CSMD1: variants seen among roughly 807,000 people sequenced by gnomAD.
The protein encoded by CSMD1 is CUB and sushi domain-containing protein 1.
A neutral mutation model predicts 417.5 loss-of-function variants in CSMD1; 213 were observed. That is an observed-to-expected ratio of 0.51 (90% confidence interval 0.46 to 0.57). CSMD1 has a LOEUF of 0.57. Among genes scored for constraint, CSMD1 ranks in the 20% least tolerant of loss-of-function variants. The pLI is 0.00. For missense variants in CSMD1, 6,923 were observed against 4,529.7 expected, an observed-to-expected ratio of 1.53 and a Z score of -15.17; for synonymous variants, 2,862 against 1,736.8, an observed-to-expected ratio of 1.65 and a Z score of -16.11.
At chr8:3,941,185 T>C (rs897126058) in intron 5 of CSMD1, among the ~76,000 whole-genome samples, 1 of 152,114 alleles carries the variant, frequency 6.6e-6, no homozygotes, top group Non-Finnish European at 1.5e-5. Flanking sequence ...GAATATTCAG[T>C]AAAATTTAAA....
intron 2 of CSMD1, among the ~76,000 whole-genome samples, chr8:4,510,417 A>AAAAAAAAAG (rs1802757327): frequency 2.7e-5 from 3 of 110,088 alleles, no homozygotes; most frequent in African/African-American, 9.7e-5. Flanking sequence ...AAAAAAAAAA[A>AAAAAAAAAG]AAAAAGCAAA....
chr8:3,809,844 C>G (rs1041613670), intron 5 of CSMD1, among the ~76,000 whole-genome samples: 1 of 152,138 alleles, frequency 6.6e-6, no homozygotes, highest in Non-Finnish European at 1.5e-5. Context: ...ATGCAGACCT[C>G]TAGAAAAACT....
At chr8:4,135,630 A>C (rs1345646429) in intron 3 of CSMD1, among the ~76,000 whole-genome samples, 1 of 152,158 alleles carries the variant, frequency 6.6e-6, no homozygotes, top group African/African-American at 2.4e-5. Context: ...TAATAGTTCA[A>C]AGATGTTTGG....
At chr8:4,074,649 C>T (rs1463583377) in intron 3 of CSMD1, among the ~76,000 whole-genome samples, 1 of 151,990 alleles carries the variant, frequency 6.6e-6, no homozygotes, top group African/African-American at 2.4e-5. Flanking sequence ...TGTGAAATAT[C>T]CATCCTTTTA....
intron 2 of CSMD1, among the ~76,000 whole-genome samples, chr8:4,450,522 C>G (rs1799078306): frequency 6.6e-6 from 1 of 152,032 alleles, no homozygotes; most frequent in Non-Finnish European, 1.5e-5. Context: ...GTAGTGCCAG[C>G]TACTTGGGAG....
intron 49 of CSMD1, among the ~76,000 whole-genome samples, chr8:3,084,374 T>G (rs1018970056): frequency 6.6e-6 from 1 of 151,380 alleles, no homozygotes; most frequent in Non-Finnish European, 1.5e-5. Flanking sequence ...ATACAAAAAA[T>G]TAGCCGGCTA....
intron 1 of CSMD1, among the ~76,000 whole-genome samples, chr8:4,678,107 G>A (rs1245991390): frequency 6.6e-6 from 1 of 152,002 alleles, no homozygotes; most frequent in African/African-American, 2.4e-5. Context: ...GCTGGAAGGA[G>A]CAAAACAGTC....
At chr8:3,011,948 G>A (rs1473926084) in intron 52 of CSMD1, among the ~76,000 whole-genome samples, 1 of 152,198 alleles carries the variant, frequency 6.6e-6, no homozygotes, top group African/African-American at 2.4e-5. Context: ...ATTAGCAAGT[G>A]CCTGAGAGAG....
At chr8:3,937,973 T>A (rs915313986) in intron 5 of CSMD1, among the ~76,000 whole-genome samples, 1 of 152,164 alleles carries the variant, frequency 6.6e-6, no homozygotes, top group Non-Finnish European at 1.5e-5. Context: ...CCATATTAAG[T>A]TATATCACAT....
chr8:3,846,774 A>T (rs1234456445), intron 5 of CSMD1, among the ~76,000 whole-genome samples: 1 of 152,038 alleles, frequency 6.6e-6, no homozygotes, highest in Non-Finnish European at 1.5e-5. Flanking sequence ...CTCTGGTTCT[A>T]GCGATTCTCC....
chr8:4,993,011 G>C (rs992826880), intron 1 of CSMD1, among the ~76,000 whole-genome samples: 2 of 152,218 alleles, frequency 1.3e-5, no homozygotes, highest in African/African-American at 4.8e-5. Context: ...GGGAAGCCCA[G>C]GCGGCACGTC....
At chr8:4,013,032 T>A (rs911991074) in intron 4 of CSMD1, among the ~76,000 whole-genome samples, 3 of 152,194 alleles carry the variant, frequency 2.0e-5, no homozygotes, top group Admixed American at 1.3e-4. Flanking sequence ...ATAGGTTTTT[T>A]ATTTTTTCCC....
chr8:3,275,976 C>T (rs1690843404), intron 26 of CSMD1, among the ~76,000 whole-genome samples: 1 of 152,206 alleles, frequency 6.6e-6, no homozygotes, highest in African/African-American at 2.4e-5. Flanking sequence ...TGGTGAGGAA[C>T]TGTGTTCCTT....
intron 2 of CSMD1, among the ~76,000 whole-genome samples, chr8:4,456,513 T>A (rs1010389835): frequency 7.9e-5 from 12 of 152,140 alleles, no homozygotes; most frequent in African/African-American, 2.9e-4. Flanking sequence ...TCTAAGTAAA[T>A]GTTTATAGTG....
chr8:4,554,828 G>T (rs1358824251), intron 2 of CSMD1, among the ~76,000 whole-genome samples: 1 of 152,190 alleles, frequency 6.6e-6, no homozygotes, highest in African/African-American at 2.4e-5. Flanking sequence ...TATTTTCTGA[G>T]TAAGCATTGA....
At chr8:4,097,047 G>C (rs566931398) in intron 3 of CSMD1, among the ~76,000 whole-genome samples, 4 of 152,104 alleles carry the variant, frequency 2.6e-5, no homozygotes, top group Non-Finnish European at 5.9e-5. Context: ...ATTAACTGAT[G>C]CCTCATTCAT....
Position 3,708,324 on chromosome 8 carries a change from G to T in CSMD1, c.1009+90C>A, listed in dbSNP as rs1326797256. ...AGAAGGAAGAGATAACGTGGGGAAG[G>T]TGGTGGGTGGGATCGCTTCTTAACT... On this transcript the variant is annotated intron_variant, in intron 7 of 69. Coordinates refer to ENST00000635120, the MANE Select transcript of CSMD1 (RefSeq NM_033225.6). 12 of 990,732 alleles carry T rather than the reference G, an allele frequency of 1.2e-5. No homozygotes were observed. In the East Asian group the frequency reaches 2.9e-4, roughly 24 times the overall value. The allele number at this position is 990,732 out of a possible 1,614,324, so 61.4% of individuals were successfully genotyped here.
At chr8:4,355,420 A>G (rs1801371518) in intron 3 of CSMD1, among the ~76,000 whole-genome samples, 1 of 152,126 alleles carries the variant, frequency 6.6e-6, no homozygotes, top group Non-Finnish European at 1.5e-5. Context: ...TAGCGAATTC[A>G]GGTATCTTCT....
intron 1 of CSMD1, among the ~76,000 whole-genome samples, chr8:4,876,563 C>A (rs1401180037): frequency 1.3e-5 from 2 of 152,172 alleles, no homozygotes; most frequent in Admixed American, 6.5e-5. Flanking sequence ...CAATTTTCAC[C>A]GTACAAGGAT....
Sources: gnomAD v4.1 joint callset for allele counts (sites outside exome capture counted in the v4.1 genomes callset) on GRCh38, gnomAD v4.1.1 for gene constraint, MANE v1.5 for transcripts, NCBI Gene and HGNC (gene_info 2026-07-23, HGNC 2026-07-21) for gene names.